The following RTTN variants were observed in gnomAD, a reference collection of about 807,000 sequenced individuals.
RTTN encodes the protein rotatin.
RTTN carries 182 observed loss-of-function variants against 269.2 expected under a neutral mutation model. The observed-to-expected ratio is 0.68, with a 90% CI of 0.60 to 0.76. The LOEUF (loss-of-function observed/expected upper bound fraction) is 0.76. Among genes scored for constraint, RTTN ranks in the 30% least tolerant of loss-of-function variants. The pLI is 0.00. For synonymous variants in RTTN, 1,006 were observed against 963.5 expected, an observed-to-expected ratio of 1.04 and a Z score of -0.82; for missense variants, 2,545 against 2,608.6, an observed-to-expected ratio of 0.98 and a Z score of 0.53.
chr18:70,161,934 T>C (rs1234557919), intron 14 of RTTN, among the ~76,000 whole-genome samples: 4 of 152,218 alleles, frequency 2.6e-5, no homozygotes, highest in African/African-American at 9.7e-5. Flanking sequence ...GTTCAGTCAC[T>C]GTGGAAAACA....
At position 70,057,804 on chromosome 18, in the gene RTTN, A is replaced by G. The variant is rs776822296; in HGVS notation, c.4969T>C (p.Cys1657Arg). The change falls in exon 37 of 49, where the codon TGT becomes CGT. Residue 1657 changes from cysteine to arginine, a missense_variant. Physicochemically the swap from Cys to Arg is radical, Grantham distance 180. Coordinates refer to ENST00000640769, the MANE Select transcript of RTTN (RefSeq NM_173630.4). Reference protein sequence around the residue: ...SIADATLIQTCVQELRALLPS... With the variant: ...SIADATLIQTRVQELRALLPS... ...AGCAGGGCTCTGAGTTCCTGGACACATGTCTGTATGAGGGTAGCATCTGCA... is the reference window on the plus strand; with the variant it reads ...AGCAGGGCTCTGAGTTCCTGGACACGTGTCTGTATGAGGGTAGCATCTGCA... 7 of 1,613,698 alleles carry G rather than the reference A, an allele frequency of 4.3e-6. No homozygotes were observed. Among genetic ancestry groups the G allele is most frequent in the Admixed American group, 1.7e-5 (1 of 59,996 alleles).
intron 19 of RTTN, among the ~76,000 whole-genome samples, chr18:70,141,491 G>A (rs1171360558): frequency 6.6e-6 from 1 of 152,138 alleles, no homozygotes; most frequent in Non-Finnish European, 1.5e-5. Flanking sequence ...GATGAAGCTG[G>A]AAACCATCAT....
chr18:70,164,030 C>T (rs1355365561), intron 14 of RTTN, among the ~76,000 whole-genome samples: 1 of 151,968 alleles, frequency 6.6e-6, no homozygotes, highest in Non-Finnish European at 1.5e-5. Flanking sequence ...TTCATAGAGA[C>T]AGAAAGTAGA....
intron 25 of RTTN, among the ~76,000 whole-genome samples, chr18:70,124,514 CA>C (rs2059815667): frequency 1.3e-5 from 2 of 152,030 alleles, no homozygotes; most frequent in African/African-American, 4.8e-5. Flanking sequence ...ATTCACAAGG[CA>C]GCCAAGGAGT....
At chr18:70,006,829 C>G (rs913710941) in intron 46 of RTTN, 2 of 187,852 alleles carry the variant, frequency 1.1e-5, no homozygotes, top group African/African-American at 4.7e-5. Flanking sequence ...AACATTCTGG[C>G]AGGCAGAAAA....
intron 14 of RTTN, among the ~76,000 whole-genome samples, chr18:70,159,461 G>A (rs943670552): frequency 6.6e-6 from 1 of 152,250 alleles, no homozygotes; most frequent in African/African-American, 2.4e-5. Context: ...AAACTATACA[G>A]CACTAAATGC....
intron 21 of RTTN, among the ~76,000 whole-genome samples, chr18:70,139,174 T>G (rs2060197134): frequency 6.6e-6 from 1 of 152,174 alleles, no homozygotes; most frequent in Non-Finnish European, 1.5e-5. Flanking sequence ...CTCACACAGG[T>G]TGAGCCTATA....
intron 3 of RTTN, among the ~76,000 whole-genome samples, chr18:70,202,322 G>C (rs1195976440): frequency 1.3e-5 from 2 of 152,150 alleles, no homozygotes; most frequent in Non-Finnish European, 2.9e-5. Context: ...CAATTATATA[G>C]TTCCTGATCA....
chr18:70,070,123 G>A (rs1263756952), intron 34 of RTTN, among the ~76,000 whole-genome samples: 1 of 152,226 alleles, frequency 6.6e-6, no homozygotes, highest in Non-Finnish European at 1.5e-5. Context: ...AGCAGAAGAT[G>A]ATAGACGATT....
intron 34 of RTTN, among the ~76,000 whole-genome samples, chr18:70,072,068 A>C (rs992602537): frequency 1.1e-4 from 17 of 152,194 alleles, no homozygotes; most frequent in African/African-American, 3.9e-4. Flanking sequence ...TAACACTGGC[A>C]GAATGAAAAC....
chr18:70,116,635 C>T (rs1281618765), intron 26 of RTTN, among the ~76,000 whole-genome samples: 3 of 152,048 alleles, frequency 2.0e-5, no homozygotes, highest in Non-Finnish European at 4.4e-5. Context: ...TTTAAACCAA[C>T]TACTTGGGCC....
At chr18:70,168,730 C>T in intron 12 of RTTN, 125 bp downstream of exon 12, 15 of 660,902 alleles carry the variant, frequency 2.3e-5, no homozygotes, top group Middle Eastern at 4.3e-4. Context: ...TATAATTGAC[C>T]CACTCAGGAA....
At chr18:70,010,560 C>T (rs1271105209) in intron 46 of RTTN, among the ~76,000 whole-genome samples, 1 of 152,132 alleles carries the variant, frequency 6.6e-6, no homozygotes, top group Non-Finnish European at 1.5e-5. Flanking sequence ...ACACAATATA[C>T]CAGAATCTCT....
rs1042172323 is a variant in RTTN at position 70,156,332 on chromosome 18, T to C, written c.1930-5599A>G. 2.0e-5 allele frequency among the ~76,000 whole-genome samples: 3 copies of C among 152,088 alleles called. No homozygotes were observed. In the South Asian group the frequency reaches 6.2e-4, roughly 32 times the overall value. On this transcript the variant is annotated intron_variant, in intron 14 of 48. Transcript: ENST00000640769. ...TGTAGGGGTGAAATAAGCCCCAGTC[T>C]CCCATAGCGCTCCCAGGCTTACTAG...
chr18:70,199,409 C>A lies in RTTN; in HGVS notation c.578+5G>T. ...AAATACCTGAAAATACATCAAGCAC[C>A]GTACCTTTCATTAGAGGAGAGGACA... On this transcript the variant is annotated splice_donor_5th_base_variant and intron_variant, in intron 5 of 48. Coordinates refer to ENST00000640769, the MANE Select transcript of RTTN (RefSeq NM_173630.4). 2 of 1,589,438 alleles carry A rather than the reference C, an allele frequency of 1.3e-6. No homozygotes were observed. The highest frequency in any genetic ancestry group is 1.1e-5 in the South Asian group (1 of 90,480).
chr18:70,139,576 T>G (rs928589919), intron 21 of RTTN, 23 bp downstream of exon 21: 1 of 1,347,708 alleles, frequency 7.4e-7, no homozygotes, highest in East Asian at 2.3e-5. Flanking sequence ...AATCTAATTA[T>G]TAGCAGATTT....
intron 10 of RTTN, among the ~76,000 whole-genome samples, chr18:70,180,216 C>T (rs2061391984): frequency 1.3e-5 from 2 of 152,154 alleles, no homozygotes; most frequent in East Asian, 3.9e-4. Flanking sequence ...TCACTGAGGC[C>T]GGGCACGGTG....
At chr18:70,203,263 G>C (rs1395291128) in intron 3 of RTTN, among the ~76,000 whole-genome samples, 1 of 151,700 alleles carries the variant, frequency 6.6e-6, no homozygotes, top group Non-Finnish European at 1.5e-5. Flanking sequence ...GCAATGGAGT[G>C]ATCTCAGCTC....
intron 11 of RTTN, among the ~76,000 whole-genome samples, chr18:70,174,980 A>G (rs2061250381): frequency 6.6e-6 from 1 of 150,580 alleles, no homozygotes; most frequent in South Asian, 2.1e-4. Flanking sequence ...GTGAGCCAAG[A>G]AAGTGCCACT....
Sources: allele counts gnomAD v4.1 joint callset (sites outside exome capture counted in the v4.1 genomes callset), GRCh38; gene constraint gnomAD v4.1.1; transcripts MANE v1.5; gene names NCBI Gene and HGNC (gene_info 2026-07-23, HGNC 2026-07-21).